MCM9: variants seen among roughly 807,000 people sequenced by gnomAD.
MCM9 encodes the protein minichromosome maintenance 9 homologous recombination repair factor.
Under a neutral mutation model 72.8 loss-of-function variants are expected in MCM9, and 55 were observed. That is an observed-to-expected ratio of 0.76 (90% CI 0.61 to 0.95). The LOEUF is 0.95. Among genes scored for constraint, MCM9 ranks in the 40% least tolerant of loss-of-function variants. The pLI, the probability that MCM9 is intolerant of heterozygous loss-of-function variation, is 0.00. For synonymous variants in MCM9, 480 were observed against 503.4 expected (o/e 0.95, Z 0.62); for missense variants, 1,279 against 1,377.0 (o/e 0.93, Z 1.13).
At chr6:118,910,500 A>T (rs1444981272) in intron 8 of MCM9, 3 of 482,132 alleles carry the variant, frequency 6.2e-6, no homozygotes, top group Non-Finnish European at 8.1e-6. Flanking sequence ...TCACTTTCAA[A>T]CTGCCCAAAT....
intron 8 of MCM9, among the ~76,000 whole-genome samples, chr6:118,886,554 T>C (rs1583542986): frequency 6.6e-6 from 1 of 152,124 alleles, no homozygotes; most frequent in Non-Finnish European, 1.5e-5. Context: ...GTCTACACAC[T>C]TGGCAAAGAA....
In MCM9 at chr6:118,829,205, C is replaced by T. The variant is rs1334408914; in HGVS notation, c.1371G>A (p.Thr457=). 8.4e-6 allele frequency: 13 copies of T among 1,550,456 alleles called. No homozygotes were observed. Among genetic ancestry groups the T allele is most frequent in the Middle Eastern group, 1.7e-4 (1 of 6,012 alleles). The change falls in exon 10 of 14, where the codon ACG becomes ACA. Residue 457 remains threonine (T), a synonymous_variant. Transcript: ENST00000619706. ...LNTRTTILAA[T]NPKGQYDPQE... is the part of the protein sequence containing the mutation. ...GGGGGTCGTACTGGCCTTTGGGGTT[C>T]GTTGCTGCCAGGATGGTGGTCCTTG...
rs143034347 is a variant in MCM9, at chr6:118,879,835, G to C, written c.1151-23290C>G. ...GAGGTAGGTGGATCACTTGAGGTCA[G>C]GAGTTTGAGACCAGCCTGGCCAACA... On this transcript the variant is annotated intron_variant, in intron 8 of 13. Coordinates refer to ENST00000619706, the MANE Select transcript of MCM9 (RefSeq NM_017696.3). Among the ~76,000 whole-genome samples the C allele has an allele frequency of 1.6e-4, 25 of 152,118 alleles. No homozygotes were observed. In the East Asian group the frequency reaches 4.4e-3, roughly 27 times the overall value.
chr6:118,895,422 A>G (rs1327133473), intron 8 of MCM9, among the ~76,000 whole-genome samples: 1 of 152,224 alleles, frequency 6.6e-6, no homozygotes, highest in East Asian at 1.9e-4. Flanking sequence ...AATAATTTCC[A>G]GGACTTAATC....
chr6:118,873,497 A>C (rs1777748439), intron 8 of MCM9, among the ~76,000 whole-genome samples: 2 of 152,146 alleles, frequency 1.3e-5, no homozygotes, highest in Admixed American at 6.5e-5. Flanking sequence ...AGAACATATA[A>C]ACAAACAACT....
At chr6:118,907,690 AT>A in intron 8 of MCM9, 1 of 1,174,792 alleles carries the variant, frequency 8.5e-7, no homozygotes, top group South Asian at 1.4e-5. Context: ...CCGTAAGTAC[AT>A]AGTCAAAACA....
intron 8 of MCM9, chr6:118,894,598 C>A: frequency 1.6e-6 from 2 of 1,280,830 alleles, no homozygotes; most frequent in South Asian, 2.6e-5. Context: ...CCGGGCCTCG[C>A]GCTGGGCGGC....
chr6:118,897,633 C>T (rs1421429738), intron 8 of MCM9, among the ~76,000 whole-genome samples: 2 of 152,046 alleles, frequency 1.3e-5, no homozygotes, highest in Non-Finnish European at 2.9e-5. Context: ...TTCCCTCATT[C>T]ACTCACTCTT....
chr6:118,901,614 C>A (rs1378259728), intron 8 of MCM9, among the ~76,000 whole-genome samples: 1 of 152,102 alleles, frequency 6.6e-6, no homozygotes, highest in Admixed American at 6.6e-5. Flanking sequence ...AGTGTTATTT[C>A]TTTTAATCCA....
chr6:118,896,976 C>T (rs1779463514), intron 8 of MCM9, among the ~76,000 whole-genome samples: 1 of 151,964 alleles, frequency 6.6e-6, no homozygotes, highest in Admixed American at 6.6e-5. Flanking sequence ...TAGCTGGGAC[C>T]ATAGTCGATG....
chr6:118,856,492 C>T lies in MCM9; in HGVS notation c.1204G>A (p.Ala402Thr). 1 of 1,535,632 alleles carries T rather than the reference C, an allele frequency of 6.5e-7. No individual in the cohort carries two copies. Among genetic ancestry groups the T allele is most frequent in the African/African-American group, 1.4e-5 (1 of 73,160 alleles). ...DSGEWNLEAG[A>T]LVLADAGLCC... Reference sequence around the variant, plus strand: ...AGGCCCGCATCTGCAAGAACTAATGCCCCAGCCTCCAAATTCCATTCTCCT... The same window carrying T: ...AGGCCCGCATCTGCAAGAACTAATGTCCCAGCCTCCAAATTCCATTCTCCT... The change falls in exon 9 of 14, where the codon GCA becomes ACA. Residue 402 changes from alanine (A) to threonine (T), a missense_variant. By Grantham distance (58) the Ala-to-Thr change is moderately conservative. Coordinates refer to ENST00000619706, the MANE Select transcript of MCM9 (RefSeq NM_017696.3).
intron 9 of MCM9, among the ~76,000 whole-genome samples, chr6:118,847,676 A>C (rs1775966932): frequency 6.6e-6 from 1 of 151,872 alleles, no homozygotes; most frequent in African/African-American, 2.4e-5. Flanking sequence ...AGAGTGTCAA[A>C]CAATCATTCA....
intron 3 of MCM9, among the ~76,000 whole-genome samples, chr6:118,929,457 G>A (rs905615100): frequency 6.6e-6 from 1 of 152,012 alleles, no homozygotes; most frequent in Admixed American, 6.6e-5. Flanking sequence ...CTGATGTTTT[G>A]TTCAGTAGTA....
chr6:118,898,552 G>C (rs927128923), intron 8 of MCM9, among the ~76,000 whole-genome samples: 18 of 151,758 alleles, frequency 1.2e-4, no homozygotes, highest in Admixed American at 1.2e-3. Context: ...AGCCTCCCGA[G>C]TAGCTGGGAC....
At position 118,923,993 on chromosome 6, in the gene MCM9, A is replaced by G. The variant is rs1364710617; in HGVS notation, c.439T>C (p.Cys147Arg). The G allele has an allele frequency of 6.2e-7, 1 of 1,614,232 alleles. No homozygotes were observed. Among genetic ancestry groups the G allele is most frequent in the South Asian group, 1.1e-5 (1 of 91,090 alleles). ...ACAAACACATGCTTGCATTTGTTAC[A>G]CATGTAATCCCGCTCAAACTCCAGA... ...KVLEFERDYM[C>R]NKCKHVFVIK... is the part of the protein sequence containing the mutation. Residue 147 changes from cysteine (C) to arginine (R), a missense_variant, in exon 4 of 14, where the codon TGT (cysteine) becomes CGT (arginine). Physicochemically the swap from Cys to Arg is radical, Grantham distance 180. Transcript: ENST00000619706.
chr6:118,894,573 T>C, intron 8 of MCM9: 1 of 1,449,754 alleles, frequency 6.9e-7, no homozygotes, highest in Non-Finnish European at 9.4e-7. Context: ...CTGCAGACGT[T>C]GAAAGTTTCC....
rs771739582 is a variant in MCM9, at chr6:118,826,812, C to T, written c.1785G>A (p.Thr595=). 6.5e-6 allele frequency: 10 copies of T among 1,550,172 alleles called. No homozygotes were observed. The East Asian group carries it at 9.8e-5, about 15-fold the overall frequency. The change falls in exon 12 of 14, where the codon ACG becomes ACA. Residue 595 remains threonine, a synonymous_variant. Coordinates refer to ENST00000619706, the MANE Select transcript of MCM9 (RefSeq NM_017696.3). ...RDTVTLEDAI[T]VVSVMESSMQ... ...TTGAGGACTCCATGACTGACACCAC[C>T]GTAATAGCGTCTTCCAGAGTTACAG... is the stretch of plus-strand genomic sequence containing the variant.
At chr6:118,863,504 A>G (rs1203827592) in intron 8 of MCM9, among the ~76,000 whole-genome samples, 1 of 152,260 alleles carries the variant, frequency 6.6e-6, no homozygotes, top group African/African-American at 2.4e-5. Context: ...GGCAACAAAT[A>G]AAAATAGTAA....
chr6:118,859,586 T>C (rs1014868412), intron 8 of MCM9, among the ~76,000 whole-genome samples: 3 of 152,172 alleles, frequency 2.0e-5, no homozygotes, highest in Non-Finnish European at 4.4e-5. Context: ...ATTTGAACTA[T>C]TATTAGCAAA....
Sources: allele counts gnomAD v4.1 joint callset (sites outside exome capture counted in the v4.1 genomes callset), GRCh38; gene constraint gnomAD v4.1.1; transcripts MANE v1.5; gene names NCBI Gene and HGNC (gene_info 2026-07-23, HGNC 2026-07-21).